The following RAB33A variants were observed in gnomAD, a reference collection of about 807,000 sequenced individuals.
RAB33A encodes ras-related protein Rab-33A.
Under a neutral mutation model 12.0 loss-of-function variants are expected in RAB33A, and 6 were observed. The observed-to-expected ratio is 0.50, with a 90% CI of 0.27 to 0.99. The LOEUF is 0.99. Among genes scored for constraint, RAB33A ranks in the 50% least tolerant of loss-of-function variants. RAB33A has a pLI of 0.11. For missense variants in RAB33A, 109 were observed against 192.0 expected (o/e 0.57, Z 2.55); for synonymous variants, 70 against 82.4 (o/e 0.85, Z 0.81).
the RAB33A span, among the ~76,000 whole-genome samples, chrX:130,140,089 T>A: frequency 8.9e-6 from 1 of 112,337 alleles, no homozygotes; most frequent in Non-Finnish European, 1.9e-5. Context: ...CTTCAAGGGG[T>A]ACACCCTGCC....
chrX:130,165,919 CA>C, the RAB33A span: 2 of 407,342 alleles, frequency 4.9e-6, no homozygotes, highest in South Asian at 6.5e-5. Context: ...AGGATTTGCG[CA>C]TGCACTAGCT....
chrX:130,131,264 A>T, the RAB33A span, among the ~76,000 whole-genome samples: 1 of 112,225 alleles, frequency 8.9e-6, no homozygotes, highest in African/African-American at 3.2e-5. Context: ...TCTTAAGCTA[A>T]GCCTATCAGG....
At chrX:130,124,478 C>T in the RAB33A span, among the ~76,000 whole-genome samples, 1 of 112,157 alleles carries the variant, frequency 8.9e-6, no homozygotes, top group South Asian at 3.7e-4. Context: ...ACACAAGACA[C>T]AACTCCTGGG....
At chrX:130,113,031 T>C in the RAB33A span, among the ~76,000 whole-genome samples, 134 of 107,044 alleles carry the variant, frequency 1.3e-3, no homozygotes, top group African/African-American at 4.3e-3. Flanking sequence ...ACCTCAAGCA[T>C]TTCTCCTTTC....
chrX:130,158,432 GA>G, the RAB33A span, among the ~76,000 whole-genome samples: 48 of 111,231 alleles, frequency 4.3e-4, no homozygotes, highest in Non-Finnish European at 7.7e-4. Context: ...CCAATGCCCT[GA>G]AGGTTTTATA....
chrX:130,116,979 C>T, the RAB33A span, among the ~76,000 whole-genome samples: 2 of 112,035 alleles, frequency 1.8e-5, no homozygotes, highest in South Asian at 3.6e-4. Flanking sequence ...TTTGGGAGGC[C>T]AAGGTGGGCG....
At chrX:130,159,648 C>A in the RAB33A span, among the ~76,000 whole-genome samples, 1 of 109,308 alleles carries the variant, frequency 9.1e-6, no homozygotes, top group Admixed American at 9.9e-5. Flanking sequence ...GTTTATTCCT[C>A]CAGAAGACCC....
At chrX:130,169,562 A>G (rs958931002), upstream of RAB33A, among the ~76,000 whole-genome samples, 13 of 112,107 alleles carry the variant, frequency 1.2e-4, no homozygotes, top group African/African-American at 4.2e-4. Flanking sequence ...TTTCAAAAGC[A>G]ATATATACTC....
chrX:130,127,724 G>A, the RAB33A span, among the ~76,000 whole-genome samples: 6 of 76,252 alleles, frequency 7.9e-5, no homozygotes, highest in African/African-American at 3.7e-4. Context: ...GAATATTGCT[G>A]TGTTGCCCAG....
the RAB33A span, among the ~76,000 whole-genome samples, chrX:130,124,603 A>C: frequency 2.1e-3 from 240 of 112,445 alleles, no homozygotes; most frequent in African/African-American, 6.8e-3. Flanking sequence ...GTGGTCCTCC[A>C]GAGGATATTT....
At chrX:130,127,231 G>C in the RAB33A span, among the ~76,000 whole-genome samples, 1 of 111,477 alleles carries the variant, frequency 9.0e-6, no homozygotes, top group Non-Finnish European at 1.9e-5. Context: ...AATAGCAGTG[G>C]TTGACTCAGG....
At chrX:130,135,220 G>A in the RAB33A span, among the ~76,000 whole-genome samples, 16 of 108,899 alleles carry the variant, frequency 1.5e-4, no homozygotes, top group African/African-American at 5.0e-4. Context: ...CCAAGTAGCT[G>A]GGATTACAGG....
chrX:130,111,250 C>T, the RAB33A span, among the ~76,000 whole-genome samples: 1 of 111,894 alleles, frequency 8.9e-6, no homozygotes, highest in Admixed American at 9.3e-5. Context: ...AGCGAGACTC[C>T]GAGCTCTCTG....
the RAB33A span, among the ~76,000 whole-genome samples, chrX:130,134,231 C>T: frequency 6.6e-5 from 7 of 106,329 alleles, no homozygotes; most frequent in African/African-American, 1.0e-4. Context: ...AGCGAGACAC[C>T]GCCTCAAAAA....
the RAB33A span, among the ~76,000 whole-genome samples, chrX:130,151,276 G>T: frequency 9.1e-6 from 1 of 109,715 alleles, no homozygotes; most frequent in Non-Finnish European, 1.9e-5. Context: ...GAGTAGCTGG[G>T]ACTACAGGCA....
the RAB33A span, chrX:130,136,215 T>C: frequency 9.1e-6 from 11 of 1,207,684 alleles, no homozygotes; most frequent in Non-Finnish European, 1.1e-5. Flanking sequence ...ATTCAGTCAA[T>C]TACCACAGTT....
chrX:130,137,767 A>G, the RAB33A span: 2 of 1,006,222 alleles, frequency 2.0e-6, no homozygotes, highest in African/African-American at 2.0e-5. Context: ...GAAAGGAAAG[A>G]AAGTATTGCT....
the RAB33A span, among the ~76,000 whole-genome samples, chrX:130,162,846 C>T: frequency 8.9e-6 from 1 of 111,949 alleles, no homozygotes; most frequent in Non-Finnish European, 1.9e-5. Context: ...TATTATCTAA[C>T]CTATCTGCTC....
the RAB33A span, among the ~76,000 whole-genome samples, chrX:130,153,116 C>A: frequency 5.8e-5 from 6 of 103,330 alleles, no homozygotes; most frequent in African/African-American, 1.8e-4. Flanking sequence ...GTGGATCACC[C>A]GAGGTCAGGA....
Sources: allele counts gnomAD v4.1 joint callset (sites outside exome capture counted in the v4.1 genomes callset), GRCh38; gene constraint gnomAD v4.1.1; transcripts MANE v1.5; gene names NCBI Gene and HGNC (gene_info 2026-07-23, HGNC 2026-07-21).